Variants in DCLK1 observed in about 807,000 individuals in gnomAD.
DCLK1 encodes doublecortin like kinase 1, also known as serine/threonine-protein kinase DCLK1.
In DCLK1, 16 loss-of-function variants were observed where a neutral mutation model predicts 86.2. That is an observed-to-expected ratio of 0.19 (90% CI 0.13 to 0.28). The LOEUF is 0.28. Ranked by LOEUF, DCLK1 falls within the 10% of genes least tolerant of loss-of-function variation. The pLI is 1.00. For missense variants in DCLK1, 590 were observed against 940.2 expected, an observed-to-expected ratio of 0.63 and a Z score of 4.87; for synonymous variants, 369 against 370.5, an observed-to-expected ratio of 1.00 and a Z score of 0.05.
At chr13:36,125,381 G>C (rs958955792) in intron 2 of DCLK1, among the ~76,000 whole-genome samples, 2 of 152,072 alleles carry the variant, frequency 1.3e-5, no homozygotes, top group African/African-American at 4.8e-5. Context: ...TGATCCATTT[G>C]TCATTTTCAA....
intron 3 of DCLK1, among the ~76,000 whole-genome samples, chr13:35,958,120 C>CTATAACCAT (rs1878160855): frequency 1.4e-5 from 1 of 73,388 alleles, no homozygotes; most frequent in Non-Finnish European, 2.4e-5. Context: ...ATCACCACCA[C>CTATAACCAT]CACTACCACT....
intron 16 of DCLK1, 50 bp downstream of exon 16, chr13:35,793,316 T>G (rs566488208): frequency 4.8e-6 from 7 of 1,448,056 alleles, no homozygotes; most frequent in Non-Finnish European, 5.7e-6. Flanking sequence ...GCCTGTCTCT[T>G]AGGTGGGTTG....
At chr13:36,034,187 A>G (rs1364487312) in intron 3 of DCLK1, among the ~76,000 whole-genome samples, 1 of 152,194 alleles carries the variant, frequency 6.6e-6, no homozygotes, top group Non-Finnish European at 1.5e-5. Context: ...GTCTAAAAAG[A>G]AGTATCGTGT....
At chr13:36,021,427 T>C (rs1315746148) in intron 3 of DCLK1, among the ~76,000 whole-genome samples, 1 of 151,912 alleles carries the variant, frequency 6.6e-6, no homozygotes, top group African/African-American at 2.4e-5. Flanking sequence ...ATTAATGGGC[T>C]AAGCACTCCA....
At chr13:35,959,506 T>C (rs936075963) in intron 3 of DCLK1, among the ~76,000 whole-genome samples, 3 of 152,184 alleles carry the variant, frequency 2.0e-5, no homozygotes, top group African/African-American at 7.2e-5. Flanking sequence ...GCCAGATTGA[T>C]TAATTTTCTG....
chr13:36,081,176 GA>G (rs1381098338), intron 3 of DCLK1, among the ~76,000 whole-genome samples: 1 of 152,008 alleles, frequency 6.6e-6, no homozygotes, highest in South Asian at 2.1e-4. Flanking sequence ...ACTTTTAAAA[GA>G]AAAAAATTAG....
chr13:35,846,399 C>T, intron 6 of DCLK1: 1 of 985,332 alleles, frequency 1.0e-6, no homozygotes, highest in Non-Finnish European at 1.2e-6. Flanking sequence ...ATCTACTACC[C>T]TGGCTTCAAA....
At chr13:35,893,357 C>T (rs1339269610) in intron 4 of DCLK1, among the ~76,000 whole-genome samples, 2 of 152,126 alleles carry the variant, frequency 1.3e-5, no homozygotes, top group African/African-American at 2.4e-5. Context: ...AATAAAACCC[C>T]GTTTCTATCC....
intron 2 of DCLK1, among the ~76,000 whole-genome samples, chr13:36,120,318 C>T (rs1885941240): frequency 6.6e-6 from 1 of 152,098 alleles, no homozygotes; most frequent in Non-Finnish European, 1.5e-5. Context: ...TCATGTGCCA[C>T]AATATTTGGT....
At chr13:35,852,083 A>C (rs1218476179) in intron 6 of DCLK1, among the ~76,000 whole-genome samples, 1 of 152,130 alleles carries the variant, frequency 6.6e-6, no homozygotes, top group Non-Finnish European at 1.5e-5. Context: ...ACACAGAAGG[A>C]AAAAATAGAA....
intron 3 of DCLK1, among the ~76,000 whole-genome samples, chr13:36,091,310 A>T (rs1314562886): frequency 6.6e-6 from 1 of 152,196 alleles, no homozygotes; most frequent in African/African-American, 2.4e-5. Context: ...GCACATGTAT[A>T]CTATGCAACA....
intron 3 of DCLK1, among the ~76,000 whole-genome samples, chr13:36,096,751 T>C (rs1404388399): frequency 6.6e-6 from 1 of 152,154 alleles, no homozygotes; most frequent in Admixed American, 6.5e-5. Flanking sequence ...ATAAATGGTA[T>C]TTTGGACTGT....
intron 4 of DCLK1, among the ~76,000 whole-genome samples, chr13:35,888,566 A>G (rs1873440016): frequency 6.6e-6 from 1 of 152,182 alleles, no homozygotes; most frequent in African/African-American, 2.4e-5. Context: ...AGGCTAATAA[A>G]TATTGTAGTT....
intron 3 of DCLK1, among the ~76,000 whole-genome samples, chr13:36,019,342 G>A (rs1881671690): frequency 6.6e-6 from 1 of 152,072 alleles, no homozygotes; most frequent in South Asian, 2.1e-4. Flanking sequence ...CTTAAGCTTT[G>A]GACCTTTCTA....
intron 10 of DCLK1, 77 bp downstream of exon 10, chr13:35,827,558 A>G (rs1868582349): frequency 6.5e-7 from 1 of 1,548,838 alleles, no homozygotes; most frequent in Admixed American, 1.7e-5. Flanking sequence ...GATGGGAGAA[A>G]ATAAGGGAAA....
intron 11 of DCLK1, among the ~76,000 whole-genome samples, chr13:35,814,038 C>T (rs1483460644): frequency 6.6e-6 from 1 of 151,974 alleles, no homozygotes; most frequent in Non-Finnish European, 1.5e-5. Flanking sequence ...GAAGAATATA[C>T]TTCAGTGTTT....
At chr13:36,052,688 C>A (rs1883170750) in intron 3 of DCLK1, among the ~76,000 whole-genome samples, 2 of 152,012 alleles carry the variant, frequency 1.3e-5, no homozygotes, top group South Asian at 4.1e-4. Context: ...ATTGAAAAGC[C>A]AAAAGAATCA....
chr13:36,057,820 C>G (rs1378196890), intron 3 of DCLK1, among the ~76,000 whole-genome samples: 1 of 152,074 alleles, frequency 6.6e-6, no homozygotes, highest in African/African-American at 2.4e-5. Context: ...TTCCTATGAC[C>G]ACTATGCTTT....
intron 3 of DCLK1, among the ~76,000 whole-genome samples, chr13:36,095,694 CAT>C (rs1884990254): frequency 6.6e-6 from 1 of 152,086 alleles, no homozygotes; most frequent in South Asian, 2.1e-4. Context: ...TGCTGAGAAA[CAT>C]AGTAGAAAAA....
Sources: allele counts gnomAD v4.1 joint callset (sites outside exome capture counted in the v4.1 genomes callset), GRCh38; gene constraint gnomAD v4.1.1; transcripts MANE v1.5; gene names NCBI Gene and HGNC (gene_info 2026-07-23, HGNC 2026-07-21).